Variants in RMND1 observed in about 807,000 individuals in gnomAD.
RMND1 encodes required for meiotic nuclear division protein 1 homolog.
A neutral mutation model predicts 54.0 loss-of-function variants in RMND1; 41 were observed. That is an observed-to-expected ratio of 0.76 (90% CI 0.59 to 0.98). RMND1 has a LOEUF of 0.98. Among genes scored for constraint, RMND1 ranks in the 50% least tolerant of loss-of-function variants. The pLI is 0.00. For synonymous variants in RMND1, 183 were observed against 181.7 expected, an observed-to-expected ratio of 1.01 and a Z score of -0.06; for missense variants, 457 against 532.0, an observed-to-expected ratio of 0.86 and a Z score of 1.39.
At chr6:151,429,904 A>G (rs1481221275) in intron 5 of RMND1, among the ~76,000 whole-genome samples, 1 of 152,204 alleles carries the variant, frequency 6.6e-6, no homozygotes, top group African/African-American at 2.4e-5. Flanking sequence ...TATAGTTAGG[A>G]TGGTTCTGAT....
chr6:151,416,205 T>C (rs1582946388), intron 10 of RMND1, among the ~76,000 whole-genome samples: 1 of 151,906 alleles, frequency 6.6e-6, no homozygotes, highest in Non-Finnish European at 1.5e-5. Context: ...TCTCGAACTC[T>C]TGACCTCAAG....
intron 1 of RMND1, among the ~76,000 whole-genome samples, chr6:151,448,084 G>A (rs1442399719): frequency 6.6e-6 from 1 of 151,942 alleles, no homozygotes; most frequent in African/African-American, 2.4e-5. Context: ...CTAAAGTGTT[G>A]GGATTACAGG....
chr6:151,452,078 G>A lies in RMND1; in HGVS notation c.-77C>T. On this transcript the variant is annotated 5_prime_UTR_variant, in exon 1 of 12. Coordinates refer to ENST00000444024, the MANE Select transcript of RMND1 (RefSeq NM_017909.4). The stretch of plus-strand genomic sequence containing the variant: ...CACGCTTCCTCGGCAGGACTGCAGG[G>A]AAAGAGCCGCACCCCCAGCCTCTCA... 6.0e-6 allele frequency: 1 copy of A among 166,956 alleles called. No homozygotes were observed. The highest frequency in any genetic ancestry group is 1.3e-5 in the Non-Finnish European group (1 of 76,362). 10.3% of individuals were successfully genotyped at this position (166,956 alleles called of 1,614,324 possible).
At position 151,452,083 on chromosome 6, in the gene RMND1, A is replaced by G. The variant is rs1006469965; in HGVS notation, c.-82T>C. 2 of 167,618 alleles carry G rather than the reference A, an allele frequency of 1.2e-5. No homozygotes were observed. Among genetic ancestry groups the G allele is most frequent in the South Asian group, 1.1e-4 (1 of 8,712 alleles). 10.4% of individuals were successfully genotyped at this position (167,618 alleles called of 1,614,324 possible). A position where few individuals can be genotyped will look rare whatever the true frequency, so the allele number is the denominator to read the frequency against. On this transcript the variant is annotated 5_prime_UTR_variant, in exon 1 of 12. Transcript: ENST00000444024. ...TTCCTCGGCAGGACTGCAGGGAAAG[A>G]GCCGCACCCCCAGCCTCTCACTACT...
intron 5 of RMND1, among the ~76,000 whole-genome samples, chr6:151,429,124 T>C (rs980057511): frequency 3.8e-5 from 5 of 132,868 alleles, no homozygotes; most frequent in Non-Finnish European, 8.3e-5. Flanking sequence ...TGTAACCCGC[T>C]TTTTTTTTTT....
chr6:151,419,713 C>T (rs561584637), intron 9 of RMND1, among the ~76,000 whole-genome samples: 3 of 146,938 alleles, frequency 2.0e-5, no homozygotes, highest in Non-Finnish European at 3.0e-5. Context: ...TACCTGTTCA[C>T]GATTAAAAAA....
chr6:151,436,311 A>G, intron 3 of RMND1, 135 bp downstream of exon 3: 1 of 918,918 alleles, frequency 1.1e-6, no homozygotes, highest in Non-Finnish European at 1.6e-6. Flanking sequence ...TTATAAAGAG[A>G]TTCAACATCC....
intron 10 of RMND1, chr6:151,413,758 C>T (rs546535481): frequency 6.6e-6 from 1 of 152,290 alleles, no homozygotes; most frequent in South Asian, 2.1e-4. Context: ...CTAATTACAC[C>T]TCTGTTATCT....
At chr6:151,424,320 G>A (rs1482463128) in intron 6 of RMND1, among the ~76,000 whole-genome samples, 2 of 151,932 alleles carry the variant, frequency 1.3e-5, no homozygotes, top group African/African-American at 2.4e-5. Context: ...AAAATTAGCC[G>A]GGTGTGGTGG....
intron 9 of RMND1, 120 bp downstream of exon 9, chr6:151,421,125 T>G: frequency 1.4e-6 from 1 of 719,764 alleles, no homozygotes; most frequent in Non-Finnish European, 2.3e-6. Flanking sequence ...ATCAATGAAA[T>G]GAAAACAGCT....
At chr6:151,435,151 T>A (rs1263547344) in intron 3 of RMND1, among the ~76,000 whole-genome samples, 3 of 146,484 alleles carry the variant, frequency 2.0e-5, no homozygotes, top group Non-Finnish European at 4.5e-5. Flanking sequence ...CCCGGCCTAT[T>A]TATTTATTTT....
intron 1 of RMND1, among the ~76,000 whole-genome samples, chr6:151,447,882 C>T (rs1582972870): frequency 6.8e-6 from 1 of 147,944 alleles, no homozygotes; most frequent in Non-Finnish European, 1.5e-5. Context: ...GGTGCCACCT[C>T]AGCTCACTGC....
intron 10 of RMND1, among the ~76,000 whole-genome samples, chr6:151,410,948 G>T (rs567944394): frequency 3.3e-5 from 5 of 152,098 alleles, no homozygotes; most frequent in Admixed American, 2.0e-4. Context: ...TCCTGTAGGA[G>T]ACTTTATCTT....
At chr6:151,442,472 C>A (rs926878365) in intron 2 of RMND1, among the ~76,000 whole-genome samples, 3 of 152,180 alleles carry the variant, frequency 2.0e-5, no homozygotes, top group African/African-American at 7.2e-5. Context: ...ACCTGCCGTT[C>A]CCATCCTCTG....
chr6:151,407,306 CCT>C (rs1057224411), intron 10 of RMND1, among the ~76,000 whole-genome samples: 4 of 152,098 alleles, frequency 2.6e-5, no homozygotes, highest in South Asian at 2.1e-4. Flanking sequence ...CTTTCCCCTC[CCT>C]GTTTTCCTTT....
intron 2 of RMND1, among the ~76,000 whole-genome samples, chr6:151,442,280 C>T (rs1309044729): frequency 7.0e-6 from 1 of 142,512 alleles, no homozygotes; most frequent in Non-Finnish European, 1.5e-5. Flanking sequence ...TATATGCTTA[C>T]ACACCAATTG....
intron 3 of RMND1, among the ~76,000 whole-genome samples, chr6:151,434,642 G>C (rs532958175): frequency 1.3e-5 from 2 of 152,232 alleles, no homozygotes; most frequent in Non-Finnish European, 2.9e-5. Context: ...AGTCAACTAT[G>C]CTTGTTTTTG....
In RMND1 at chr6:151,426,791, C is replaced by T. The variant is rs760445025; in HGVS notation, c.830+691G>A. Among the ~76,000 whole-genome samples, 33 of 151,606 alleles carry T rather than the reference C, an allele frequency of 2.2e-4. 1 individual carries two copies. Among genetic ancestry groups the T allele is most frequent in the South Asian group, 8.3e-4 (4 of 4,802 alleles). Reference sequence around the variant, plus strand: ...ATCTTTTTCCTCTTTTTTTTTGAGACGGAGTTTCACTCTTGTCACCCTGGC... The same window carrying T: ...ATCTTTTTCCTCTTTTTTTTTGAGATGGAGTTTCACTCTTGTCACCCTGGC... On this transcript the variant is annotated intron_variant, in intron 6 of 11. Transcript: ENST00000444024.
At chr6:151,429,122 G>A (rs1024030685) in intron 5 of RMND1, among the ~76,000 whole-genome samples, 1 of 145,570 alleles carries the variant, frequency 6.9e-6, no homozygotes, top group Non-Finnish European at 1.5e-5. Flanking sequence ...TTTGTAACCC[G>A]CTTTTTTTTT....
Sources: gnomAD v4.1 joint callset for allele counts (sites outside exome capture counted in the v4.1 genomes callset) on GRCh38, gnomAD v4.1.1 for gene constraint, MANE v1.5 for transcripts, NCBI Gene and HGNC (gene_info 2026-07-23, HGNC 2026-07-21) for gene names.